The following PRIM2 variants were observed in gnomAD, a reference collection of about 807,000 sequenced individuals.
PRIM2 encodes the protein DNA primase subunit 2.
Under a neutral mutation model 67.3 loss-of-function variants are expected in PRIM2, and 39 were observed. The ratio of observed to expected loss-of-function variants is 0.58; its 90% confidence interval spans 0.45 to 0.76. PRIM2 has a LOEUF of 0.76. Among genes scored for constraint, PRIM2 ranks in the 30% least tolerant of loss-of-function variants. PRIM2 has a pLI of 0.00. For missense variants in PRIM2, 398 were observed against 598.7 expected (o/e 0.66, Z 3.50); for synonymous variants, 143 against 198.7 (o/e 0.72, Z 2.36).
intron 12 of PRIM2, among the ~76,000 whole-genome samples, chr6:57,618,478 C>T (rs1167790449): frequency 6.6e-6 from 1 of 152,210 alleles, no homozygotes; most frequent in East Asian, 1.9e-4. Context: ...AGGAAGCGGA[C>T]TGCTCCTGCA....
At chr6:57,381,493 ACTT>A (rs1201732853) in intron 6 of PRIM2, among the ~76,000 whole-genome samples, 3 of 151,754 alleles carry the variant, frequency 2.0e-5, no homozygotes, top group Non-Finnish European at 4.4e-5. Flanking sequence ...TGGGGCAAAT[ACTT>A]CTTTTAATAG....
chr6:57,335,731 A>G (rs911231648), intron 5 of PRIM2, among the ~76,000 whole-genome samples: 10 of 152,342 alleles, frequency 6.6e-5, no homozygotes, highest in African/African-American at 2.2e-4. Flanking sequence ...TCAAAGACCA[A>G]AAGTAGATAA....
At chr6:57,483,240 T>A (rs1773672064) in intron 7 of PRIM2, among the ~76,000 whole-genome samples, 1 of 152,180 alleles carries the variant, frequency 6.6e-6, no homozygotes, top group South Asian at 2.1e-4. Flanking sequence ...TGGATGATTC[T>A]AGATTATTTA....
intron 10 of PRIM2, among the ~76,000 whole-genome samples, chr6:57,569,438 A>C (rs1775820022): frequency 1.3e-5 from 2 of 152,346 alleles, no homozygotes; most frequent in Admixed American, 1.3e-4. Context: ...ATAATTTTTT[A>C]AGTAATTGGA....
chr6:57,620,691 C>T (rs1776837047), intron 12 of PRIM2, among the ~76,000 whole-genome samples: 1 of 152,200 alleles, frequency 6.6e-6, no homozygotes, highest in Non-Finnish European at 1.5e-5. Flanking sequence ...AGTATGCAGG[C>T]AACCAAGAGC....
At chr6:57,529,898 C>A (rs1335399276) in intron 8 of PRIM2, among the ~76,000 whole-genome samples, 3 of 152,030 alleles carry the variant, frequency 2.0e-5, no homozygotes, top group Non-Finnish European at 4.4e-5. Flanking sequence ...GAGGGTGTAC[C>A]TGGTGAGAGC....
intron 5 of PRIM2, among the ~76,000 whole-genome samples, chr6:57,374,038 A>G (rs1769660310): frequency 6.6e-6 from 1 of 152,190 alleles, no homozygotes. Flanking sequence ...TGCATCAGAC[A>G]GTATGGACAT....
At chr6:57,383,531 A>G (rs911557773) in intron 7 of PRIM2, 2 of 151,820 alleles carry the variant, frequency 1.3e-5, no homozygotes, top group Non-Finnish European at 2.9e-5. Flanking sequence ...TGTGGCTAAA[A>G]AGTATGAGTT....
intron 7 of PRIM2, among the ~76,000 whole-genome samples, chr6:57,454,815 T>G (rs1284737840): frequency 2.6e-5 from 4 of 152,236 alleles, no homozygotes; most frequent in Non-Finnish European, 5.9e-5. Context: ...AATTATTTCT[T>G]GCCTTCTGTT....
intron 10 of PRIM2, among the ~76,000 whole-genome samples, chr6:57,599,418 C>T (rs1360968093): frequency 2.6e-5 from 4 of 151,620 alleles, no homozygotes; most frequent in Admixed American, 1.3e-4. Flanking sequence ...TTCTCTCTTT[C>T]AGACTCCGTT....
intron 7 of PRIM2, among the ~76,000 whole-genome samples, chr6:57,460,914 T>G (rs1772983158): frequency 6.6e-6 from 1 of 152,230 alleles, no homozygotes; most frequent in Non-Finnish European, 1.5e-5. Context: ...GACTCTCTTG[T>G]CAGCTCTTTA....
intron 8 of PRIM2, among the ~76,000 whole-genome samples, chr6:57,513,858 T>C (rs1774423319): frequency 1.3e-5 from 2 of 152,206 alleles, no homozygotes; most frequent in African/African-American, 4.8e-5. Flanking sequence ...TGGGCAACAA[T>C]TGCTATTATT....
chr6:57,516,963 T>A, intron 8 of PRIM2, among the ~76,000 whole-genome samples: 1 of 152,302 alleles, frequency 6.6e-6, no homozygotes, highest in Middle Eastern at 3.4e-3. Context: ...GAAACTTCGC[T>A]TGTCACAGTG....
chr6:57,484,177 T>C (rs1304199738), intron 7 of PRIM2, among the ~76,000 whole-genome samples: 1 of 152,238 alleles, frequency 6.6e-6, no homozygotes, highest in Non-Finnish European at 1.5e-5. Context: ...TCGACCTGGC[T>C]TGAGCTTTAT....
At chr6:57,319,003 A>G (rs1767565152) in intron 2 of PRIM2, among the ~76,000 whole-genome samples, 1 of 152,256 alleles carries the variant, frequency 6.6e-6, no homozygotes, top group Non-Finnish European at 1.5e-5. Context: ...TAGTCTTATT[A>G]AATGAGCTTC....
intron 7 of PRIM2, among the ~76,000 whole-genome samples, chr6:57,462,070 T>C (rs943046876): frequency 6.6e-6 from 1 of 152,198 alleles, no homozygotes; most frequent in Admixed American, 6.5e-5. Context: ...CCAGTGCATG[T>C]TGGTTGTCTT....
At chr6:57,262,041 C>T in the PRIM2 span, among the ~76,000 whole-genome samples, 30 of 152,190 alleles carry the variant, frequency 2.0e-4, no homozygotes, top group South Asian at 4.1e-4. Context: ...TCCTGACCTA[C>T]TGTGTTCTTT....
chr6:57,306,323 C>T, the PRIM2 span, among the ~76,000 whole-genome samples: 1 of 152,154 alleles, frequency 6.6e-6, no homozygotes, highest in African/African-American at 2.4e-5. Context: ...CTTCCCACTA[C>T]CATCTCTCAG....
intron 12 of PRIM2, among the ~76,000 whole-genome samples, chr6:57,608,260 A>G (rs1416149983): frequency 0.28 from 42,443 of 151,970 alleles, 6,288 homozygotes; most frequent in East Asian, 0.44. Flanking sequence ...TAAGTTCCAC[A>G]GAGTCCCTTG....
Sources: gnomAD v4.1 joint callset for allele counts (sites outside exome capture counted in the v4.1 genomes callset) on GRCh38, gnomAD v4.1.1 for gene constraint, MANE v1.5 for transcripts, NCBI Gene and HGNC (gene_info 2026-07-23, HGNC 2026-07-21) for gene names.